The following ADCY2 variants were observed in gnomAD, a reference collection of about 807,000 sequenced individuals.
ADCY2 encodes adenylate cyclase type 2.
A neutral mutation model predicts 125.2 loss-of-function variants in ADCY2; 31 were observed. The observed-to-expected ratio is 0.25, with a 90% CI of 0.19 to 0.33. The LOEUF (loss-of-function observed/expected upper bound fraction) is 0.33, where lower values mean the gene tolerates loss of function less well. Ranked by LOEUF, ADCY2 falls within the 10% of genes least tolerant of loss-of-function variation. The pLI is 1.00. For missense variants in ADCY2, 904 were observed against 1,418.2 expected, an observed-to-expected ratio of 0.64 and a Z score of 5.82; for synonymous variants, 512 against 548.4, an observed-to-expected ratio of 0.93 and a Z score of 0.93.
At chr5:7,540,306 AAAAG>A (rs1413276499) in intron 3 of ADCY2, among the ~76,000 whole-genome samples, 2 of 152,070 alleles carry the variant, frequency 1.3e-5, no homozygotes, top group Admixed American at 6.5e-5. Flanking sequence ...ACCAAAAAAA[AAAAG>A]AAAGAAAACA....
At chr5:7,489,161 C>G (rs558961723) in intron 2 of ADCY2, among the ~76,000 whole-genome samples, 5 of 152,266 alleles carry the variant, frequency 3.3e-5, no homozygotes, top group East Asian at 3.9e-4. Flanking sequence ...TGGATACCCC[C>G]CTTTGCTGCA....
At chr5:7,783,157 T>C (rs1044749017) in intron 18 of ADCY2, among the ~76,000 whole-genome samples, 1 of 152,216 alleles carries the variant, frequency 6.6e-6, no homozygotes, top group African/African-American at 2.4e-5. Flanking sequence ...AGTCTTTCTT[T>C]CTGTTAATAA....
intron 7 of ADCY2, among the ~76,000 whole-genome samples, chr5:7,702,118 A>T (rs1401828268): frequency 6.6e-6 from 1 of 152,020 alleles, no homozygotes; most frequent in Non-Finnish European, 1.5e-5. Flanking sequence ...TGGGCTGGGC[A>T]TGGTGGCTCA....
intron 3 of ADCY2, among the ~76,000 whole-genome samples, chr5:7,578,538 G>T (rs544836144): frequency 4.6e-5 from 7 of 152,188 alleles, no homozygotes; most frequent in African/African-American, 1.4e-4. Flanking sequence ...TTTGCATTTT[G>T]TTGTTATGGT....
At position 7,729,682 on chromosome 5, in the gene ADCY2, T is replaced by C. The variant is rs374361976; in HGVS notation, c.1871+2421T>C. On this transcript the variant is annotated intron_variant, in intron 14 of 24. Transcript: ENST00000338316. ...GCTACTCCTTAGGCAGAGCAGCCTGTTTATTCTTTTATTTCTTTTACTCAT... is the reference window on the plus strand; with the variant it reads ...GCTACTCCTTAGGCAGAGCAGCCTGCTTATTCTTTTATTTCTTTTACTCAT... 3.3e-5 allele frequency among the ~76,000 whole-genome samples: 5 copies of C among 150,860 alleles called. No homozygotes were observed. The East Asian group carries it at 9.7e-4, about 29-fold the overall frequency.
intron 4 of ADCY2, among the ~76,000 whole-genome samples, chr5:7,673,920 T>C (rs1245860382): frequency 6.6e-6 from 1 of 152,164 alleles, no homozygotes; most frequent in East Asian, 1.9e-4. Flanking sequence ...TACCCCCCGA[T>C]AAACTTACGT....
intron 14 of ADCY2, among the ~76,000 whole-genome samples, chr5:7,741,145 T>C (rs1283916019): frequency 2.0e-5 from 3 of 152,018 alleles, no homozygotes; most frequent in African/African-American, 7.2e-5. Flanking sequence ...AAAATCTAAA[T>C]GAAATAGATA....
intron 2 of ADCY2, among the ~76,000 whole-genome samples, chr5:7,419,156 A>C (rs542973909): frequency 4.6e-5 from 7 of 152,198 alleles, no homozygotes; most frequent in Non-Finnish European, 1.0e-4. Context: ...TGAGCCTGCT[A>C]TGCAGTCAGA....
intron 2 of ADCY2, among the ~76,000 whole-genome samples, chr5:7,444,011 C>T (rs1741123796): frequency 6.6e-6 from 1 of 151,980 alleles, no homozygotes. Context: ...TATATAATCT[C>T]AGAGAGATTT....
intron 3 of ADCY2, among the ~76,000 whole-genome samples, chr5:7,622,344 T>A (rs975520534): frequency 1.5e-4 from 23 of 152,334 alleles, no homozygotes; most frequent in Non-Finnish European, 2.8e-4. Context: ...GTCAATTCAA[T>A]TAACCTTAGA....
intron 5 of ADCY2, among the ~76,000 whole-genome samples, chr5:7,693,413 G>GTTTTTTTTTTTTTTTTTTTTTTTTTT (rs70940751): frequency 3.7e-4 from 12 of 32,402 alleles, no homozygotes; most frequent in Admixed American, 8.1e-4. Flanking sequence ...GCTGTTTTTT[G>GTTTTTTTTTTTTTTTTTTTTTTTTTT]TTTTTTTTTT....
chr5:7,560,224 C>T (rs1295564171), intron 3 of ADCY2, among the ~76,000 whole-genome samples: 2 of 152,130 alleles, frequency 1.3e-5, no homozygotes, highest in Non-Finnish European at 2.9e-5. Flanking sequence ...ATGATGAGAT[C>T]CACATAAGGT....
intron 3 of ADCY2, among the ~76,000 whole-genome samples, chr5:7,601,648 A>G (rs767039788): frequency 1.3e-5 from 2 of 152,080 alleles, no homozygotes; most frequent in Non-Finnish European, 2.9e-5. Flanking sequence ...AACCCACACC[A>G]TTATCCAACA....
At chr5:7,657,118 A>G (rs1739365951) in intron 4 of ADCY2, among the ~76,000 whole-genome samples, 1 of 152,244 alleles carries the variant, frequency 6.6e-6, no homozygotes, top group Non-Finnish European at 1.5e-5. Context: ...TCCCCAAGAT[A>G]TCTCATTTGT....
intron 3 of ADCY2, among the ~76,000 whole-genome samples, chr5:7,555,737 A>G (rs1190608941): frequency 3.3e-5 from 5 of 152,030 alleles, no homozygotes; most frequent in Non-Finnish European, 7.4e-5. Flanking sequence ...ATTTGCATGT[A>G]TCTTTTCATG....
At chr5:7,718,709 C>T (rs1290422286) in intron 12 of ADCY2, among the ~76,000 whole-genome samples, 1 of 152,090 alleles carries the variant, frequency 6.6e-6, no homozygotes, top group African/African-American at 2.4e-5. Flanking sequence ...GTCCAAGGCC[C>T]ACTGGCAGCA....
chr5:7,623,754 T>C (rs1297829210), intron 3 of ADCY2, among the ~76,000 whole-genome samples: 1 of 152,192 alleles, frequency 6.6e-6, no homozygotes, highest in Non-Finnish European at 1.5e-5. Flanking sequence ...TGTGAGCACA[T>C]AGGCCTTCCA....
chr5:7,749,158 C>A (rs182981533), intron 15 of ADCY2, among the ~76,000 whole-genome samples: 1 of 152,218 alleles, frequency 6.6e-6, no homozygotes, highest in Non-Finnish European at 1.5e-5. Context: ...TCACATAGTA[C>A]CTATTCTTAT....
At chr5:7,560,563 G>C (rs765920114) in intron 3 of ADCY2, among the ~76,000 whole-genome samples, 7 of 151,950 alleles carry the variant, frequency 4.6e-5, no homozygotes, top group Non-Finnish European at 8.8e-5. Context: ...TGATATTCAT[G>C]TATCATTTTG....
Sources: gnomAD v4.1 joint callset for allele counts (sites outside exome capture counted in the v4.1 genomes callset) on GRCh38, gnomAD v4.1.1 for gene constraint, MANE v1.5 for transcripts, NCBI Gene and HGNC (gene_info 2026-07-23, HGNC 2026-07-21) for gene names.